The following COIL variants were observed in gnomAD, a reference collection of about 807,000 sequenced individuals.
The protein encoded by COIL is coilin p80.
Under a neutral mutation model 51.6 loss-of-function variants are expected in COIL, and 28 were observed. The ratio of observed to expected loss-of-function variants is 0.54; its 90% confidence interval spans 0.40 to 0.74. The LOEUF is 0.74. Among genes scored for constraint, COIL ranks in the 30% least tolerant of loss-of-function variants. The pLI is 0.00. For missense variants in COIL, 667 were observed against 685.9 expected, an observed-to-expected ratio of 0.97 and a Z score of 0.31; for synonymous variants, 233 against 255.8, an observed-to-expected ratio of 0.91 and a Z score of 0.85.
intron 1 of COIL, among the ~76,000 whole-genome samples, chr17:56,958,424 G>A (rs1045569384): frequency 6.6e-6 from 1 of 152,190 alleles, no homozygotes; most frequent in Non-Finnish European, 1.5e-5. Flanking sequence ...AAACAAAGAC[G>A]AACTTTCCAG....
At chr17:56,945,164 T>C (rs111645444) in intron 5 of COIL, among the ~76,000 whole-genome samples, 12,461 of 152,032 alleles carry the variant, frequency 0.082, 619 homozygotes, top group East Asian at 0.2. Context: ...CATGTCAAAA[T>C]CCATCTCTAC....
intron 1 of COIL, among the ~76,000 whole-genome samples, chr17:56,956,244 T>G (rs1910480218): frequency 6.6e-6 from 1 of 152,154 alleles, no homozygotes; most frequent in Non-Finnish European, 1.5e-5. Context: ...GTCTCTAATA[T>G]TTTGTTTTGT....
intron 6 of COIL, among the ~76,000 whole-genome samples, chr17:56,940,861 G>A (rs997327154): frequency 4.6e-5 from 7 of 152,208 alleles, no homozygotes; most frequent in East Asian, 3.9e-4. Context: ...TCGGCCGGGC[G>A]CGGTGGCTCA....
intron 1 of COIL, among the ~76,000 whole-genome samples, chr17:56,954,774 G>A (rs1910452782): frequency 6.6e-6 from 1 of 151,518 alleles, no homozygotes; most frequent in South Asian, 2.1e-4. Flanking sequence ...TTCAAAACTA[G>A]CCTGGGCAAC....
At chr17:56,958,838 A>G (rs1910528835) in intron 1 of COIL, among the ~76,000 whole-genome samples, 1 of 152,254 alleles carries the variant, frequency 6.6e-6, no homozygotes, top group South Asian at 2.1e-4. Context: ...TCAAATTGTC[A>G]TTTGAAACAG....
chr17:56,957,515 G>A (rs1324056645), intron 1 of COIL, among the ~76,000 whole-genome samples: 4 of 150,380 alleles, frequency 2.7e-5, no homozygotes, highest in East Asian at 2.0e-4. Flanking sequence ...CTAGCTACTC[G>A]GGAGGCTGAG....
intron 6 of COIL, among the ~76,000 whole-genome samples, chr17:56,941,803 C>T (rs532009799): frequency 1.1e-3 from 172 of 152,236 alleles, no homozygotes; most frequent in African/African-American, 4.0e-3. Context: ...CCTTATATAG[C>T]TATAATTTTA....
chr17:56,946,589 TTTAAAATGG>T, intron 4 of COIL, 78 bp from the exon 5 acceptor site: 3 of 866,282 alleles, frequency 3.5e-6, no homozygotes, highest in Non-Finnish European at 5.5e-6. Context: ...AATTGTAGAC[TTTAAAATGG>T]TTAAAATGTT....
At chr17:56,946,089 T>G (rs1170902820) in intron 5 of COIL, among the ~76,000 whole-genome samples, 4 of 152,210 alleles carry the variant, frequency 2.6e-5, no homozygotes, top group Admixed American at 6.5e-5. Flanking sequence ...CCTCAGTTTT[T>G]ACAAAATTCC....
chr17:56,941,800 T>A (rs929964736), intron 6 of COIL, among the ~76,000 whole-genome samples: 1 of 152,192 alleles, frequency 6.6e-6, no homozygotes, highest in African/African-American at 2.4e-5. Flanking sequence ...AATCCTTATA[T>A]AGCTATAATT....
intron 4 of COIL, among the ~76,000 whole-genome samples, chr17:56,948,297 G>A (rs577306656): frequency 6.6e-5 from 10 of 151,804 alleles, no homozygotes; most frequent in African/African-American, 1.9e-4. Flanking sequence ...ACCATGCCCC[G>A]CTAATTTTTT....
intron 1 of COIL, among the ~76,000 whole-genome samples, chr17:56,957,103 C>T (rs780569040): frequency 6.6e-6 from 1 of 151,818 alleles, no homozygotes; most frequent in Non-Finnish European, 1.5e-5. Flanking sequence ...GACCTCTCTA[C>T]TAAAAATAAA....
chr17:56,944,970 T>C (rs1043464668), intron 5 of COIL, among the ~76,000 whole-genome samples: 3 of 151,704 alleles, frequency 2.0e-5, no homozygotes, highest in Admixed American at 2.0e-4. Flanking sequence ...TGAGCCAAGA[T>C]AGCGCCACTG....
chr17:56,959,143 G>A (rs149787017), intron 1 of COIL, among the ~76,000 whole-genome samples: 5 of 152,182 alleles, frequency 3.3e-5, no homozygotes, highest in African/African-American at 7.2e-5. Context: ...CCAGGGATTC[G>A]AGACCAGCCT....
At chr17:56,957,338 C>T (rs1340001253) in intron 1 of COIL, among the ~76,000 whole-genome samples, 2 of 151,696 alleles carry the variant, frequency 1.3e-5, no homozygotes, top group African/African-American at 2.4e-5. Flanking sequence ...AATTAAAAAC[C>T]GCCAGACACA....
intron 1 of COIL, among the ~76,000 whole-genome samples, chr17:56,957,457 T>C (rs1371940154): frequency 6.6e-6 from 1 of 151,450 alleles, no homozygotes; most frequent in Non-Finnish European, 1.5e-5. Context: ...CCATCTCTAC[T>C]AAAAATACAA....
intron 5 of COIL, among the ~76,000 whole-genome samples, chr17:56,944,155 A>G (rs1910200181): frequency 6.6e-6 from 1 of 152,258 alleles, no homozygotes; most frequent in South Asian, 2.1e-4. Flanking sequence ...CTAAAGAAGA[A>G]AAGTTCTAAG....
chr17:56,950,137 G>A lies in COIL; in HGVS notation c.1105C>T (p.Arg369Cys), dbSNP rs371500730. Residue 369 changes from arginine (R) to cysteine (C), a missense_variant, in exon 2 of 7, where the codon CGT becomes TGT. Arg to Cys is a radical substitution (Grantham distance 180, BLOSUM62 -3). Transcript: ENST00000240316. ...TGTCCACCACCATTTGAGCCAGAAC[G>A]CCTCCATCCAGCAGCACCTGCAGTC... ...SQTAGAAGWR[R>C]SGSNGGGQAP... The A allele has an allele frequency of 2.2e-5, 35 of 1,614,008 alleles. No homozygotes were observed. The highest frequency in any genetic ancestry group is 1.7e-4 in the African/African-American group (13 of 74,894).
intron 1 of COIL, 39 bp downstream of exon 1, chr17:56,960,736 C>T (rs1490450308): frequency 4.8e-6 from 7 of 1,466,362 alleles, no homozygotes; most frequent in East Asian, 5.1e-5. Context: ...GTCCCCCGCC[C>T]GCCGCCCACC....
Sources: gnomAD v4.1 joint callset for allele counts (sites outside exome capture counted in the v4.1 genomes callset) on GRCh38, gnomAD v4.1.1 for gene constraint, MANE v1.5 for transcripts, NCBI Gene and HGNC (gene_info 2026-07-23, HGNC 2026-07-21) for gene names.